DNAJB6: variants seen among roughly 807,000 people sequenced by gnomAD.
DNAJB6 encodes dnaJ homolog subfamily B member 6.
Under a neutral mutation model 42.7 loss-of-function variants are expected in DNAJB6, and 16 were observed. The observed-to-expected ratio is 0.37, with a 90% CI of 0.25 to 0.57. DNAJB6 has a LOEUF of 0.57. Among genes scored for constraint, DNAJB6 ranks in the 20% least tolerant of loss-of-function variants. The pLI is 0.74. For synonymous variants in DNAJB6, 170 were observed against 163.5 expected, an observed-to-expected ratio of 1.04 and a Z score of -0.30; for missense variants, 347 against 416.8, an observed-to-expected ratio of 0.83 and a Z score of 1.46.
intron 5 of DNAJB6, among the ~76,000 whole-genome samples, chr7:157,371,163 C>T (rs1800190601): frequency 6.6e-6 from 1 of 152,226 alleles, no homozygotes; most frequent in Non-Finnish European, 1.5e-5. Flanking sequence ...TCCCCCTACC[C>T]CAACCCATCA....
At chr7:157,382,058 A>G (rs1800808289) in intron 5 of DNAJB6, 188 bp from the exon 6 acceptor site, 1 of 521,452 alleles carries the variant, frequency 1.9e-6, no homozygotes, top group Non-Finnish European at 3.3e-6. Flanking sequence ...GTTGAATTAA[A>G]CTAGTTAGTA....
intron 8 of DNAJB6, among the ~76,000 whole-genome samples, chr7:157,387,857 T>C (rs1801150626): frequency 6.6e-6 from 1 of 151,494 alleles, no homozygotes; most frequent in Non-Finnish European, 1.5e-5. Flanking sequence ...TGTTTGTTTG[T>C]TTTTTTGAGA....
chr7:157,392,294 C>A (rs1461677314), intron 8 of DNAJB6, among the ~76,000 whole-genome samples: 2 of 150,214 alleles, frequency 1.3e-5, no homozygotes, highest in East Asian at 3.9e-4. Flanking sequence ...GACTTACTCT[C>A]TTGATTTTAT....
At chr7:157,351,815 A>C (rs1584886148) in intron 1 of DNAJB6, among the ~76,000 whole-genome samples, 1 of 150,636 alleles carries the variant, frequency 6.6e-6, no homozygotes, top group South Asian at 2.1e-4. Flanking sequence ...AAAAAAACCC[A>C]AAAAACAAAA....
intron 8 of DNAJB6, among the ~76,000 whole-genome samples, chr7:157,400,703 C>T (rs536635122): frequency 8.1e-4 from 123 of 152,280 alleles, no homozygotes; most frequent in African/African-American, 2.5e-3. Flanking sequence ...GGATGAAGCC[C>T]GGGTGGAAGT....
At chr7:157,390,115 C>G (rs367764197) in intron 8 of DNAJB6, among the ~76,000 whole-genome samples, 1 of 152,226 alleles carries the variant, frequency 6.6e-6, no homozygotes, top group Non-Finnish European at 1.5e-5. Context: ...GTGCTGGCTG[C>G]GGAAACCCAG....
chr7:157,406,117 T>C (rs957472350), intron 8 of DNAJB6, among the ~76,000 whole-genome samples: 22 of 152,192 alleles, frequency 1.4e-4, no homozygotes, highest in African/African-American at 4.3e-4. Flanking sequence ...CAACTGTGTG[T>C]CCCTTTTGTG....
At chr7:157,399,624 G>A (rs959756485) in intron 8 of DNAJB6, among the ~76,000 whole-genome samples, 2 of 152,124 alleles carry the variant, frequency 1.3e-5, no homozygotes, top group African/African-American at 4.8e-5. Context: ...ACATACCCCT[G>A]TTGCTAAGCT....
chr7:157,354,050 C>T (rs1799148037), intron 1 of DNAJB6, among the ~76,000 whole-genome samples: 1 of 152,200 alleles, frequency 6.6e-6, no homozygotes, highest in African/African-American at 2.4e-5. Context: ...CAATTTAATT[C>T]TGAATTGACC....
intron 8 of DNAJB6, among the ~76,000 whole-genome samples, chr7:157,404,753 G>A (rs914488848): frequency 1.3e-5 from 2 of 152,114 alleles, no homozygotes; most frequent in East Asian, 3.9e-4. Flanking sequence ...TGATCCGCCT[G>A]CCTCAGCCTC....
chr7:157,396,893 A>G (rs1801612593), intron 8 of DNAJB6, among the ~76,000 whole-genome samples: 1 of 152,002 alleles, frequency 6.6e-6, no homozygotes, highest in South Asian at 2.1e-4. Flanking sequence ...CCTTTTCTAC[A>G]TGGGAAGGCC....
intron 5 of DNAJB6, among the ~76,000 whole-genome samples, chr7:157,373,756 A>G (rs1276420651): frequency 6.6e-6 from 1 of 152,150 alleles, no homozygotes; most frequent in Non-Finnish European, 1.5e-5. Flanking sequence ...ACCCACTATC[A>G]TTACACGGCG....
intron 9 of DNAJB6, chr7:157,412,169 A>C (rs1419857279): frequency 6.6e-6 from 1 of 152,194 alleles, no homozygotes; most frequent in Non-Finnish European, 1.5e-5. Flanking sequence ...GACAAAGCTG[A>C]CTCAAAGGAT....
intron 8 of DNAJB6, among the ~76,000 whole-genome samples, chr7:157,390,166 C>T (rs1237954859): frequency 6.6e-6 from 1 of 152,248 alleles, no homozygotes; most frequent in East Asian, 1.9e-4. Context: ...CAGAGATGCC[C>T]TGGACCACAG....
intron 1 of DNAJB6, among the ~76,000 whole-genome samples, chr7:157,353,174 C>G (rs902284075): frequency 6.6e-6 from 1 of 150,520 alleles, no homozygotes; most frequent in Non-Finnish European, 1.5e-5. Context: ...GCAGTTTGTC[C>G]GCCTCGGGCT....
intron 8 of DNAJB6, among the ~76,000 whole-genome samples, chr7:157,402,762 G>A (rs1288471851): frequency 6.6e-6 from 1 of 152,214 alleles, no homozygotes; most frequent in Non-Finnish European, 1.5e-5. Flanking sequence ...CTTATTTAAA[G>A]TAAGCCACTC....
chr7:157,359,481 G>T (rs113290656), intron 2 of DNAJB6, among the ~76,000 whole-genome samples: 1 of 152,144 alleles, frequency 6.6e-6, no homozygotes, highest in African/African-American at 2.4e-5. Flanking sequence ...CCAGATTGCT[G>T]CGGTTATATT....
intron 8 of DNAJB6, among the ~76,000 whole-genome samples, chr7:157,401,295 C>T (rs771594259): frequency 3.3e-5 from 5 of 152,228 alleles, no homozygotes; most frequent in East Asian, 1.9e-4. Context: ...CTTGGTTCAC[C>T]GCTACCTCCA....
chr7:157,346,906 A>G (rs1287185648), intron 1 of DNAJB6, among the ~76,000 whole-genome samples: 2 of 152,090 alleles, frequency 1.3e-5, no homozygotes, highest in Non-Finnish European at 2.9e-5. Flanking sequence ...CCCAGGCTGC[A>G]GTGCAGTGGT....
Sources: allele counts gnomAD v4.1 joint callset (sites outside exome capture counted in the v4.1 genomes callset), GRCh38; gene constraint gnomAD v4.1.1; transcripts MANE v1.5; gene names NCBI Gene and HGNC (gene_info 2026-07-23, HGNC 2026-07-21).